LRP12: variants seen among roughly 807,000 people sequenced by gnomAD.
The protein encoded by LRP12 is low-density lipoprotein receptor-related protein 12.
LRP12 carries 14 observed loss-of-function variants against 66.0 expected under a neutral mutation model. The ratio of observed to expected loss-of-function variants is 0.21; its 90% CI spans 0.14 to 0.33. The LOEUF (loss-of-function observed/expected upper bound fraction) is 0.33. Ranked by LOEUF, LRP12 falls within the 10% of genes least tolerant of loss-of-function variation. LRP12 has a pLI of 1.00. For missense variants in LRP12, 889 were observed against 1,053.4 expected (o/e 0.84, Z 2.16); for synonymous variants, 357 against 359.1 (o/e 0.99, Z 0.07).
Position 104,588,891 on chromosome 8 carries a change from A to C in LRP12, c.7T>G (p.Cys3Gly), listed in dbSNP as rs1812381208. Residue 3 changes from cysteine (C) to glycine (G), a missense_variant, in exon 1 of 7, where the codon TGT becomes GGT. By Grantham distance (159) the Cys-to-Gly change is radical. This residue lies in a region of LRP12 where 88 missense variants were observed against 72.5 expected (regional missense o/e 1.21). Coordinates refer to ENST00000276654, the MANE Select transcript of LRP12 (RefSeq NM_013437.5). ...GGAGACTCTTTTGTGCTCCAGCGACAGGCCATAACCACAGCAGATGGAGAG... is the reference window on the plus strand; with the variant it reads ...GGAGACTCTTTTGTGCTCCAGCGACCGGCCATAACCACAGCAGATGGAGAG... Reference protein sequence around the residue: MACRWSTKESPRW... With the variant: MAGRWSTKESPRW... 2.5e-6 allele frequency: 4 copies of C among 1,609,594 alleles called. No homozygotes were observed. The highest frequency in any genetic ancestry group is 1.6e-4 in the Middle Eastern group (1 of 6,074).
chr8:104,540,418 T>C (rs1811457768), intron 1 of LRP12, among the ~76,000 whole-genome samples: 1 of 152,208 alleles, frequency 6.6e-6, no homozygotes, highest in Admixed American at 6.5e-5. Context: ...ATGAAGATTT[T>C]TGGGAATCCC....
rs770667548 is a variant in LRP12, at chr8:104,509,052, T to G, written c.159A>C (p.Gln53His). The G allele has an allele frequency of 3.7e-6, 6 of 1,613,724 alleles. No individual in the cohort carries two copies. In the South Asian group the frequency reaches 5.5e-5, roughly 15 times the overall value. The change falls in exon 3 of 7, where the codon CAA (glutamine) becomes CAC (histidine). Residue 53 changes from glutamine to histidine, a missense_variant. Transcript: ENST00000276654. ...TGATTATGCCACTTGGTGCTCGTAT[T>G]TGCTCTGGAGTCTCTCCACAAGCTG... The part of the protein sequence containing the change: ...VSTACGETPE[Q>H]IRAPSGIITS...
At chr8:104,568,233 T>C (rs537916831) in intron 1 of LRP12, among the ~76,000 whole-genome samples, 74 of 152,232 alleles carry the variant, frequency 4.9e-4, no homozygotes, top group Non-Finnish European at 8.1e-4. Flanking sequence ...AAAGAATGAA[T>C]TTGACCCCTA....
At chr8:104,515,858 C>T (rs1266626919) in intron 2 of LRP12, among the ~76,000 whole-genome samples, 1 of 152,136 alleles carries the variant, frequency 6.6e-6, no homozygotes, top group Non-Finnish European at 1.5e-5. Context: ...CCTTGTTAGT[C>T]TTTGTTCATT....
rs532679631 is a variant in LRP12, at chr8:104,579,334, C to T, written c.79+9485G>A. Among the ~76,000 whole-genome samples, 316 of 151,846 alleles carry T rather than the reference C, an allele frequency of 2.1e-3. 1 individual carries two copies. Among genetic ancestry groups the T allele is most frequent in the Non-Finnish European group, 3.7e-3 (249 of 67,982 alleles). On this transcript the variant is annotated intron_variant, in intron 1 of 6. Coordinates refer to ENST00000276654, the MANE Select transcript of LRP12 (RefSeq NM_013437.5). Reference sequence around the variant, plus strand: ...GGAATGTAATTCCATTCACAACTGCCATAAAAAGAATAAAATACCCAGGAA... The same window carrying T: ...GGAATGTAATTCCATTCACAACTGCTATAAAAAGAATAAAATACCCAGGAA...
intron 1 of LRP12, among the ~76,000 whole-genome samples, chr8:104,554,188 A>T (rs1427687527): frequency 6.6e-6 from 1 of 152,172 alleles, no homozygotes; most frequent in Non-Finnish European, 1.5e-5. Context: ...ACCAGAAAAA[A>T]AATTCTGGCA....
At chr8:104,556,524 A>C (rs1186891627) in intron 1 of LRP12, among the ~76,000 whole-genome samples, 1 of 152,206 alleles carries the variant, frequency 6.6e-6, no homozygotes, top group Non-Finnish European at 1.5e-5. Context: ...TTATGCACAC[A>C]AATGAGAAAA....
chr8:104,497,175 T>C lies in LRP12; in HGVS notation c.1377A>G (p.Lys459=). The C allele has an allele frequency of 6.2e-7, 1 of 1,610,980 alleles. No individual in the cohort carries two copies. Among genetic ancestry groups the C allele is most frequent in the Non-Finnish European group, 8.5e-7 (1 of 1,178,358 alleles). Residue 459 remains lysine (K), a synonymous_variant, in exon 5 of 7, where the codon AAA becomes AAG. Coordinates refer to ENST00000276654, the MANE Select transcript of LRP12 (RefSeq NM_013437.5). This position sits in a 1 kb window ranked among gnomAD's most constrained non-coding sequence, Gnocchi z 4.3. ...AACTTTCAAACACACAACGATTGTT[T>C]TTACAATGGAAATTTCCTGGTTGGC... The part of the protein sequence containing the change: ...FFCQPGNFHC[K]NNRCVFESWV...
At chr8:104,532,907 G>A (rs1369345360) in intron 1 of LRP12, among the ~76,000 whole-genome samples, 2 of 152,048 alleles carry the variant, frequency 1.3e-5, no homozygotes, top group African/African-American at 4.8e-5. Flanking sequence ...AGATGAATGA[G>A]GGATGTCCTG....
In LRP12 at chr8:104,499,297, T is replaced by G; in HGVS notation, c.475+20A>C. The G allele has an allele frequency of 6.3e-7, 1 of 1,594,158 alleles. No homozygotes were observed. On this transcript the variant is annotated intron_variant, in intron 4 of 6. Transcript: ENST00000276654. Reference sequence around the variant, plus strand: ...ATACCATAAAATTCAGTTCAATATCTTTCTTATTTAAAAACACACCTGAAA... The same window carrying G: ...ATACCATAAAATTCAGTTCAATATCGTTCTTATTTAAAAACACACCTGAAA...
intron 1 of LRP12, among the ~76,000 whole-genome samples, chr8:104,556,288 A>G (rs1318297960): frequency 6.6e-6 from 1 of 152,178 alleles, no homozygotes; most frequent in Non-Finnish European, 1.5e-5. Context: ...GAAAAGAAAC[A>G]AAGATCAGAG....
At chr8:104,494,490 A>G (rs1431890377) in intron 6 of LRP12, among the ~76,000 whole-genome samples, 4 of 152,314 alleles carry the variant, frequency 2.6e-5, no homozygotes, top group Non-Finnish European at 5.9e-5. Context: ...TGAATTTACA[A>G]TTTAAATGAA....
At chr8:104,558,824 G>C (rs574332493) in intron 1 of LRP12, among the ~76,000 whole-genome samples, 2 of 150,980 alleles carry the variant, frequency 1.3e-5, no homozygotes, top group Non-Finnish European at 1.5e-5. Flanking sequence ...CTTTAAAGAA[G>C]ATATACAAAT....
At chr8:104,535,695 T>C (rs182284134) in intron 1 of LRP12, among the ~76,000 whole-genome samples, 16 of 152,116 alleles carry the variant, frequency 1.1e-4, no homozygotes, top group African/African-American at 2.4e-4. Context: ...AATTTTTTTT[T>C]CCAAAGAGCT....
At chr8:104,548,458 T>C (rs1811666551) in intron 1 of LRP12, among the ~76,000 whole-genome samples, 1 of 121,580 alleles carries the variant, frequency 8.2e-6, no homozygotes, top group African/African-American at 3.3e-5. Context: ...TTATATTTTG[T>C]ATCTAATATA....
intron 5 of LRP12, chr8:104,495,436 A>G (rs569184459): frequency 2.4e-6 from 1 of 411,924 alleles, no homozygotes; most frequent in Admixed American, 4.0e-5. Flanking sequence ...AGAAGCCTAG[A>G]TCACTGAGTT....
intron 2 of LRP12, among the ~76,000 whole-genome samples, chr8:104,518,606 A>G (rs898908604): frequency 6.6e-6 from 1 of 152,112 alleles, no homozygotes; most frequent in African/African-American, 2.4e-5. Flanking sequence ...ATAATAACAC[A>G]GAGAAAATAA....
intron 1 of LRP12, among the ~76,000 whole-genome samples, chr8:104,551,223 C>T (rs909945229): frequency 6.6e-6 from 1 of 152,146 alleles, no homozygotes; most frequent in Admixed American, 6.5e-5. Flanking sequence ...ACTCCTTCAA[C>T]CCAGTTCAGG....
chr8:104,529,084 A>C (rs990966141), intron 2 of LRP12, among the ~76,000 whole-genome samples: 14 of 152,200 alleles, frequency 9.2e-5, no homozygotes, highest in Admixed American at 7.2e-4. Context: ...CTAGTACATC[A>C]GAACGTAACT....
Sources: allele counts gnomAD v4.1 joint callset (sites outside exome capture counted in the v4.1 genomes callset), GRCh38; gene constraint gnomAD v4.1.1; regional missense constraint gnomAD v4.1.1; non-coding constraint Gnocchi (gnomAD v3.1); transcripts MANE v1.5; gene names NCBI Gene and HGNC (gene_info 2026-07-23, HGNC 2026-07-21).